The following CCNT1 variants were observed in gnomAD, a reference collection of about 807,000 sequenced individuals.
The protein encoded by CCNT1 is cyclin T1.
A neutral mutation model predicts 67.3 loss-of-function variants in CCNT1; 18 were observed. That is an observed-to-expected ratio of 0.27 (90% CI 0.18 to 0.40). CCNT1 has a LOEUF of 0.40. CCNT1 is among the 10% of genes least tolerant of loss of function. CCNT1 has a pLI of 1.00. For synonymous variants in CCNT1, 333 were observed against 310.3 expected, an observed-to-expected ratio of 1.07 and a Z score of -0.77; for missense variants, 744 against 884.9, an observed-to-expected ratio of 0.84 and a Z score of 2.02.
intron 2 of CCNT1, among the ~76,000 whole-genome samples, chr12:48,707,309 C>T (rs1218374098): frequency 1.4e-5 from 2 of 141,154 alleles, no homozygotes; most frequent in African/African-American, 5.3e-5. Context: ...TTTTTTGAGA[C>T]AGCATCTCAC....
intron 5 of CCNT1, among the ~76,000 whole-genome samples, 189 bp downstream of exon 5, chr12:48,699,589 G>A (rs1234787327): frequency 6.6e-6 from 1 of 152,150 alleles, no homozygotes; most frequent in Non-Finnish European, 1.5e-5. Flanking sequence ...TTTAACTAGA[G>A]ATCATCTAAA....
Position 48,702,804 on chromosome 12 carries a change from G to A in CCNT1, c.373-1731C>T, listed in dbSNP as rs149266712. Among the ~76,000 whole-genome samples the A allele has an allele frequency of 4.7e-3, 714 of 151,856 alleles. 9 individuals carry two copies. The highest frequency in any genetic ancestry group is 0.041 in the East Asian group (213 of 5,152). Reference sequence around the variant, plus strand: ...GGCACTCCGGCCTGGGTGACAGAGCGAGACTCCATCTCAAAAAAAGAAAAA... The same window carrying A: ...GGCACTCCGGCCTGGGTGACAGAGCAAGACTCCATCTCAAAAAAAGAAAAA... On this transcript the variant is annotated intron_variant, in intron 3 of 8. Transcript: ENST00000261900.
chr12:48,692,095 A>C lies in CCNT1; in HGVS notation c.*938T>G, dbSNP rs1203980551. The stretch of plus-strand genomic sequence containing the variant: ...TCGCCAACCCTCCTTCCTCAACCCC[A>C]TCTCTGTTTTGCACAAAAACAAAAA... On this transcript the variant is annotated 3_prime_UTR_variant, in exon 9 of 9. Transcript: ENST00000261900. 6.6e-6 allele frequency: 1 copy of C among 152,008 alleles called. No homozygotes were observed. The highest frequency in any genetic ancestry group is 1.5e-5 in the Non-Finnish European group (1 of 68,008). 9.4% of individuals were successfully genotyped at this position (152,008 alleles called of 1,614,324 possible). A position where few individuals can be genotyped will look rare whatever the true frequency, so the allele number is the denominator to read the frequency against.
In CCNT1 at chr12:48,705,821, C is replaced by A; in HGVS notation, c.319G>T (p.Val107Leu). The A allele has an allele frequency of 6.2e-7, 1 of 1,613,548 alleles. No individual in the cohort carries two copies. The highest frequency in any genetic ancestry group is 8.5e-7 in the Non-Finnish European group (1 of 1,179,614). ...QPKKLEHVIK[V>L]AHTCLHPQES... ...TGAGGATGGAGACAAGTATGTGCTA[C>A]CTTGATGACATGTTCCAATTTTTTG... Residue 107 changes from valine to leucine, a missense_variant, in exon 3 of 9, where the codon GTA (valine) becomes TTA (leucine). Physicochemically the swap from Val to Leu is conservative, Grantham distance 32 (BLOSUM62 1). Around this residue, in one of 3 missense-constraint regions of CCNT1, gnomAD observed 142 missense variants for 277.0 expected, o/e 0.51. Coordinates refer to ENST00000261900, the MANE Select transcript of CCNT1 (RefSeq NM_001240.4).
chr12:48,705,712 GAA>G, intron 3 of CCNT1, 54 bp downstream of exon 3: 2 of 1,409,220 alleles, frequency 1.4e-6, no homozygotes, highest in Non-Finnish European at 2.0e-6. Flanking sequence ...TGGGAGTAGG[GAA>G]AAAAAAAGAA....
intron 6 of CCNT1, 66 bp downstream of exon 6, chr12:48,698,072 A>T: frequency 1.0e-6 from 1 of 989,316 alleles, no homozygotes; most frequent in Non-Finnish European, 1.5e-6. Context: ...TCTATAGCAC[A>T]CTGTATCAAA....
chr12:48,701,174 C>A, intron 3 of CCNT1, 101 bp from the exon 4 acceptor site: 1 of 513,712 alleles, frequency 1.9e-6, no homozygotes, highest in Non-Finnish European at 3.5e-6. Context: ...CAATAAAAGG[C>A]ATGAGTGGAG....
chr12:48,715,652 G>A (rs953577249), intron 1 of CCNT1, among the ~76,000 whole-genome samples: 4 of 151,818 alleles, frequency 2.6e-5, no homozygotes, highest in Non-Finnish European at 2.9e-5. Flanking sequence ...AGTAGAGACA[G>A]GGGTTTAATC....
intron 3 of CCNT1, among the ~76,000 whole-genome samples, chr12:48,705,323 T>TG (rs1940339271): frequency 1.3e-5 from 2 of 152,064 alleles, no homozygotes; most frequent in African/African-American, 2.4e-5. Context: ...TTTGTAGAAA[T>TG]GGGGTCTCAC....
intron 8 of CCNT1, among the ~76,000 whole-genome samples, chr12:48,695,164 C>A (rs149019138): frequency 0.016 from 2,471 of 152,242 alleles, 31 homozygotes; most frequent in Non-Finnish European, 0.024. Flanking sequence ...AAGAGGCAAA[C>A]TCACTCTCTG....
chr12:48,693,399 AG>A lies in CCNT1; in HGVS notation c.1814del (p.Pro605LeufsTer51), dbSNP rs1940112053. On this transcript the variant is annotated frameshift_variant, in exon 9 of 9. Transcript: ENST00000261900. LOFTEE classifies it high-confidence loss of function. ...TKSSSLNFSF[P>X]SLPTMGQMPG... The stretch of plus-strand genomic sequence containing the variant: ...GCATCTGACCCATTGTAGGAAGTGA[AG>A]GGAAGGAGAAATTTAGGGAAGAGGA... 6.2e-7 allele frequency: 1 copy of A among 1,614,112 alleles called. No individual in the cohort carries two copies. The highest frequency in any genetic ancestry group is 1.3e-5 in the African/African-American group (1 of 74,944).
At chr12:48,714,595 C>T (rs1444895613) in intron 1 of CCNT1, 71 bp from the exon 2 acceptor site, 7 of 894,298 alleles carry the variant, frequency 7.8e-6, no homozygotes, top group Admixed American at 1.9e-5. Flanking sequence ...TATCTCCCTC[C>T]CAAAAGGATG....
chr12:48,709,665 T>C (rs761026463), intron 2 of CCNT1, among the ~76,000 whole-genome samples: 4 of 152,264 alleles, frequency 2.6e-5, no homozygotes, highest in Non-Finnish European at 5.9e-5. Flanking sequence ...TACTGTTACA[T>C]GATAAAGGCA....
rs1478826302 is a variant in CCNT1 at position 48,691,191 on chromosome 12, C to T, written c.*1842G>A. 6 of 152,164 alleles carry T rather than the reference C, an allele frequency of 3.9e-5. No homozygotes were observed. Among genetic ancestry groups the T allele is most frequent in the South Asian group, 2.1e-4 (1 of 4,830 alleles). The allele number at this position is 152,164 out of a possible 1,614,324, so 9.4% of individuals were successfully genotyped here. On this transcript the variant is annotated 3_prime_UTR_variant, in exon 9 of 9. Coordinates refer to ENST00000261900, the MANE Select transcript of CCNT1 (RefSeq NM_001240.4). ...TGCAAGATGCAGGGCACTAACCCAC[C>T]GTCAGTTAACGTTTACTCCTGCCTA...
rs1468518208 is a variant in CCNT1 at position 48,714,469 on chromosome 12, G to C, written c.217C>G (p.Gln73Glu). 1 of 1,607,546 alleles carries C rather than the reference G, an allele frequency of 6.2e-7. No individual in the cohort carries two copies. Among genetic ancestry groups the C allele is most frequent in the South Asian group, 1.1e-5 (1 of 90,918 alleles). Residue 73 changes from glutamine to glutamate, a missense_variant, in exon 2 of 9, where the codon CAG becomes GAG. Gln to Glu is a conservative substitution (Grantham distance 29). This residue lies in a region of CCNT1 where 142 missense variants were observed against 277.0 expected (regional missense o/e 0.51). Coordinates refer to ENST00000261900, the MANE Select transcript of CCNT1 (RefSeq NM_001240.4). ...IVYMHRFYMI[Q>E]SFTQFPGNSV... ...TTTCCAGGGAACTGTGTGAAGGACT[G>C]AATCATGTAGAATCGATGCATGTAT...
At position 48,695,781 on chromosome 12, in the gene CCNT1, A is replaced by C; in HGVS notation, c.755T>G (p.Leu252Arg). Residue 252 changes from leucine to arginine, a missense_variant, in exon 8 of 9, where the codon CTC becomes CGC. Coordinates refer to ENST00000261900, the MANE Select transcript of CCNT1 (RefSeq NM_001240.4). Reference protein sequence around the residue: ...LQILEKTPNRLKRIWNWRACE... With the variant: ...LQILEKTPNRRKRIWNWRACE... Reference sequence around the variant, plus strand: ...TACCCTCCAATTCCAAATGCGTTTGAGCCTGTTGGGAGTTTTCTCCAAAAT... The same window carrying C: ...TACCCTCCAATTCCAAATGCGTTTGCGCCTGTTGGGAGTTTTCTCCAAAAT... 2 of 1,612,584 alleles carry C rather than the reference A, an allele frequency of 1.2e-6. No homozygotes were observed. The highest frequency in any genetic ancestry group is 1.7e-6 in the Non-Finnish European group (2 of 1,178,566).
chr12:48,709,399 C>T (rs1234833300), intron 2 of CCNT1, among the ~76,000 whole-genome samples: 1 of 152,130 alleles, frequency 6.6e-6, no homozygotes, highest in Admixed American at 6.5e-5. Context: ...AATTTTTATA[C>T]ATTGTATACT....
chr12:48,712,244 C>T (rs1940462616), intron 2 of CCNT1, among the ~76,000 whole-genome samples: 1 of 151,988 alleles, frequency 6.6e-6, no homozygotes, highest in African/African-American at 2.4e-5. Flanking sequence ...ATCTGAAAAC[C>T]CACCATTCTA....
chr12:48,700,318 CAAAA>C (rs372908471), intron 4 of CCNT1, among the ~76,000 whole-genome samples: 3 of 82,290 alleles, frequency 3.6e-5, no homozygotes, highest in African/African-American at 9.9e-5. Context: ...GACTCCGTCT[CAAAA>C]AAAAAAAAAA....
Sources: allele counts gnomAD v4.1 joint callset (sites outside exome capture counted in the v4.1 genomes callset), GRCh38; gene constraint gnomAD v4.1.1; regional missense constraint gnomAD v4.1.1; transcripts MANE v1.5; gene names NCBI Gene and HGNC (gene_info 2026-07-23, HGNC 2026-07-21).